Variants in HPSE2 observed in about 807,000 individuals in gnomAD.
The protein encoded by HPSE2 is heparanase 2 (inactive).
Under a neutral mutation model 60.5 loss-of-function variants are expected in HPSE2, and 38 were observed. The ratio of observed to expected loss-of-function variants is 0.63; its 90% confidence interval spans 0.48 to 0.82. The LOEUF is 0.82. Among genes scored for constraint, HPSE2 ranks in the 40% least tolerant of loss-of-function variants. The probability of loss-of-function intolerance (pLI) is 0.00; values close to 1 mark genes in which losing one functional copy is unlikely to be tolerated. For missense variants in HPSE2, 713 were observed against 740.4 expected, an observed-to-expected ratio of 0.96 and a Z score of 0.43; for synonymous variants, 295 against 293.2, an observed-to-expected ratio of 1.01 and a Z score of -0.06.
At chr10:98,465,337 C>A (rs1353892329) in intron 11 of HPSE2, among the ~76,000 whole-genome samples, 2 of 152,154 alleles carry the variant, frequency 1.3e-5, no homozygotes, top group East Asian at 3.9e-4. Context: ...GTTAGCATTC[C>A]TGTATTACAG....
intron 2 of HPSE2, among the ~76,000 whole-genome samples, chr10:99,185,557 G>A (rs570290401): frequency 5.9e-5 from 9 of 152,100 alleles, no homozygotes; most frequent in Admixed American, 2.6e-4. Flanking sequence ...GGCAGATCAC[G>A]AGGTCAGGAG....
chr10:99,227,047 A>C (rs1179957464), intron 2 of HPSE2, among the ~76,000 whole-genome samples: 2 of 152,120 alleles, frequency 1.3e-5, no homozygotes, highest in Non-Finnish European at 2.9e-5. Context: ...TAGAAAGTGG[A>C]TAAGTTCAAG....
chr10:99,245,746 A>T, the HPSE2 span, among the ~76,000 whole-genome samples: 1 of 152,222 alleles, frequency 6.6e-6, no homozygotes, highest in African/African-American at 2.4e-5. Context: ...AAATATGTAT[A>T]TTCCCTAAGA....
chr10:98,525,409 A>G (rs1466303716), intron 9 of HPSE2, among the ~76,000 whole-genome samples: 2 of 152,258 alleles, frequency 1.3e-5, no homozygotes, highest in Non-Finnish European at 2.9e-5. Flanking sequence ...TCGTCTTGTC[A>G]TACAATTCAT....
intron 9 of HPSE2, among the ~76,000 whole-genome samples, chr10:98,597,970 CAAAAAA>C (rs571184082): frequency 7.3e-5 from 4 of 55,156 alleles, no homozygotes; most frequent in East Asian, 5.1e-4. Context: ...GACTCCATCT[CAAAAAA>C]AAAAAAAAAA....
chr10:98,547,689 T>A (rs3979260), intron 9 of HPSE2, among the ~76,000 whole-genome samples: 2 of 148,232 alleles, frequency 1.3e-5, no homozygotes, highest in Non-Finnish European at 3.0e-5. Flanking sequence ...TGGCATTAGG[T>A]GATATACCTA....
At chr10:99,110,818 A>G (rs1844429097) in intron 3 of HPSE2, among the ~76,000 whole-genome samples, 1 of 152,132 alleles carries the variant, frequency 6.6e-6, no homozygotes. Flanking sequence ...GACAGATCCA[A>G]GTTCATCTAC....
At chr10:99,030,216 T>A (rs1296075963) in intron 3 of HPSE2, among the ~76,000 whole-genome samples, 2 of 152,230 alleles carry the variant, frequency 1.3e-5, no homozygotes, top group Non-Finnish European at 2.9e-5. Context: ...AAGATCTATA[T>A]CTGGTATAAC....
chr10:99,104,465 G>A (rs1370064052), intron 3 of HPSE2, among the ~76,000 whole-genome samples: 3 of 152,174 alleles, frequency 2.0e-5, no homozygotes, highest in Non-Finnish European at 4.4e-5. Context: ...CTGTTGGTGG[G>A]ACTGTAAACT....
chr10:98,575,862 T>C (rs1020775597), intron 9 of HPSE2, among the ~76,000 whole-genome samples: 5 of 152,212 alleles, frequency 3.3e-5, no homozygotes, highest in Admixed American at 6.5e-5. Context: ...CATTTTTAAC[T>C]GTATGTTTGA....
intron 7 of HPSE2, among the ~76,000 whole-genome samples, chr10:98,629,690 C>A (rs981672594): frequency 2.6e-5 from 4 of 152,160 alleles, no homozygotes; most frequent in African/African-American, 9.7e-5. Context: ...TTGACAAATC[C>A]CTCTTCAGCT....
At position 98,868,999 on chromosome 10, in the gene HPSE2, T is replaced by C. The variant is rs190124523; in HGVS notation, c.611-124943A>G. On this transcript the variant is annotated intron_variant, in intron 3 of 11. Coordinates refer to ENST00000370552, the MANE Select transcript of HPSE2 (RefSeq NM_021828.5). ...TTGCTTTTTGTGGTGCCCAATTGCA[T>C]GTGTGCATGTCTCTGTGTGTGTGTG... Among the ~76,000 whole-genome samples, 98 of 152,214 alleles carry C rather than the reference T, an allele frequency of 6.4e-4. 1 individual carries two copies. In the East Asian group the frequency reaches 0.017, roughly 27 times the overall value.
rs150402781 is a variant in HPSE2, at chr10:98,971,800, G to A, written c.610+172438C>T. ...GACCCACATGAGAATTCCCGTGGGG[G>A]CATAAACACATAAGTGAAATTTCAA... On this transcript the variant is annotated intron_variant, in intron 3 of 11. Transcript: ENST00000370552. Among the ~76,000 whole-genome samples, 76 of 152,168 alleles carry A rather than the reference G, an allele frequency of 5.0e-4. 1 individual carries two copies. The highest frequency in any genetic ancestry group is 3.4e-3 in the Middle Eastern group (1 of 294).
At chr10:98,630,444 G>A (rs974632983) in intron 7 of HPSE2, among the ~76,000 whole-genome samples, 11 of 151,992 alleles carry the variant, frequency 7.2e-5, no homozygotes, top group African/African-American at 2.4e-4. Context: ...TGATCCGCCC[G>A]CCTTGGCCTC....
chr10:99,087,067 A>C (rs1396602318), intron 3 of HPSE2, among the ~76,000 whole-genome samples: 1 of 152,228 alleles, frequency 6.6e-6, no homozygotes, highest in African/African-American at 2.4e-5. Flanking sequence ...TTATTTTAAA[A>C]TCTTAGGGGT....
chr10:98,683,605 G>A (rs991022087), intron 6 of HPSE2, among the ~76,000 whole-genome samples: 8 of 151,744 alleles, frequency 5.3e-5, no homozygotes, highest in Non-Finnish European at 5.9e-5. Context: ...AGTTTCAACA[G>A]AAAATTTAGA....
At chr10:98,672,843 AT>A (rs754027017) in intron 6 of HPSE2, among the ~76,000 whole-genome samples, 53 of 152,200 alleles carry the variant, frequency 3.5e-4, no homozygotes, top group Non-Finnish European at 5.7e-4. Context: ...CTCTTGCTTA[AT>A]TTTTCCAGAA....
chr10:99,080,958 T>G (rs965548142), intron 3 of HPSE2, among the ~76,000 whole-genome samples: 2 of 152,162 alleles, frequency 1.3e-5, no homozygotes, highest in African/African-American at 4.8e-5. Context: ...ATTCTAAAAT[T>G]TTAAATTTTG....
At chr10:98,689,002 C>G (rs1303292154) in intron 6 of HPSE2, among the ~76,000 whole-genome samples, 2 of 151,080 alleles carry the variant, frequency 1.3e-5, no homozygotes, top group Admixed American at 6.6e-5. Flanking sequence ...TTATTTTTGT[C>G]TGAATGCTTT....
Sources: allele counts gnomAD v4.1 joint callset (sites outside exome capture counted in the v4.1 genomes callset), GRCh38; gene constraint gnomAD v4.1.1; transcripts MANE v1.5; gene names NCBI Gene and HGNC (gene_info 2026-07-23, HGNC 2026-07-21).